The following DLG1 variants were observed in gnomAD, a reference collection of about 807,000 sequenced individuals.
DLG1 encodes discs large MAGUK scaffold protein 1, also known as disks large homolog 1.
A neutral mutation model predicts 123.4 loss-of-function variants in DLG1; 42 were observed. The observed-to-expected ratio is 0.34, with a 90% CI of 0.27 to 0.44. The LOEUF is 0.44. Ranked by LOEUF, DLG1 falls within the 20% of genes least tolerant of loss-of-function variation. The pLI, the probability that DLG1 is intolerant of heterozygous loss-of-function variation, is 1.00. For synonymous variants in DLG1, 317 were observed against 356.2 expected, an observed-to-expected ratio of 0.89 and a Z score of 1.24; for missense variants, 942 against 1,082.6, an observed-to-expected ratio of 0.87 and a Z score of 1.82.
chr3:197,294,479 T>C (rs980681115), intron 3 of DLG1, among the ~76,000 whole-genome samples: 1 of 151,904 alleles, frequency 6.6e-6, no homozygotes, highest in African/African-American at 2.4e-5. Context: ...ACCCCGTCTT[T>C]ACTAAAAATA....
chr3:197,297,967 C>G (rs1778336286), intron 1 of DLG1: 1 of 976,984 alleles, frequency 1.0e-6, no homozygotes, highest in Non-Finnish European at 1.2e-6. Flanking sequence ...GCCGCCGCAC[C>G]CCCGCGGCCT....
intron 4 of DLG1, among the ~76,000 whole-genome samples, chr3:197,238,393 T>C (rs145341560): frequency 1.3e-5 from 2 of 152,060 alleles, no homozygotes; most frequent in African/African-American, 4.8e-5. Flanking sequence ...ATTACAAATA[T>C]ACATGAAACA....
intron 4 of DLG1, among the ~76,000 whole-genome samples, chr3:197,198,195 G>T (rs1723584204): frequency 6.6e-6 from 1 of 152,016 alleles, no homozygotes; most frequent in Non-Finnish European, 1.5e-5. Context: ...AAACCGAAAA[G>T]ATGACCCAAA....
intron 5 of DLG1, among the ~76,000 whole-genome samples, chr3:197,159,907 T>G (rs1452064562): frequency 1.3e-5 from 2 of 152,194 alleles, no homozygotes; most frequent in East Asian, 3.8e-4. Context: ...GTTTGCTGTC[T>G]CAGAGAAATA....
At chr3:197,274,449 A>G (rs1036783414) in intron 4 of DLG1, among the ~76,000 whole-genome samples, 1 of 152,222 alleles carries the variant, frequency 6.6e-6, no homozygotes, top group African/African-American at 2.4e-5. Context: ...CAAAAAACAA[A>G]TCAAAATAGA....
chr3:197,051,884 C>T (rs1728041474), intron 23 of DLG1, among the ~76,000 whole-genome samples: 1 of 142,068 alleles, frequency 7.0e-6, no homozygotes, highest in African/African-American at 2.6e-5. Flanking sequence ...CACTGTCACC[C>T]AGGCTGGAGT....
intron 14 of DLG1, among the ~76,000 whole-genome samples, chr3:197,100,489 A>T (rs1762879684): frequency 1.3e-5 from 2 of 152,200 alleles, no homozygotes; most frequent in South Asian, 4.1e-4. Context: ...AATTTAACTT[A>T]TATATTGAGT....
intron 15 of DLG1, among the ~76,000 whole-genome samples, chr3:197,088,552 G>A (rs556058540): frequency 1.3e-5 from 2 of 152,306 alleles, no homozygotes; most frequent in South Asian, 2.1e-4. Context: ...AGAAGAAAAT[G>A]TGGCATCTAG....
At chr3:197,151,271 T>C (rs1008394351) in intron 5 of DLG1, among the ~76,000 whole-genome samples, 1 of 152,196 alleles carries the variant, frequency 6.6e-6, no homozygotes, top group African/African-American at 2.4e-5. Context: ...TTAAAAACAC[T>C]ATGGCAAGAA....
At chr3:197,230,731 T>C (rs1742490256) in intron 4 of DLG1, among the ~76,000 whole-genome samples, 2 of 152,198 alleles carry the variant, frequency 1.3e-5, no homozygotes, top group African/African-American at 4.8e-5. Flanking sequence ...AAGATAGTAA[T>C]AGCATCTTTA....
chr3:197,141,603 A>T (rs1269598435), intron 7 of DLG1, among the ~76,000 whole-genome samples: 1 of 152,220 alleles, frequency 6.6e-6, no homozygotes, highest in African/African-American at 2.4e-5. Flanking sequence ...TTCAGTCTTG[A>T]GTATACACAC....
intron 4 of DLG1, among the ~76,000 whole-genome samples, chr3:197,256,425 A>G (rs771164681): frequency 5.9e-5 from 9 of 152,260 alleles, no homozygotes; most frequent in Non-Finnish European, 8.8e-5. Context: ...TTTCTACAGT[A>G]CTTCACACAC....
intron 5 of DLG1, among the ~76,000 whole-genome samples, chr3:197,193,654 C>T (rs1334965598): frequency 6.6e-6 from 1 of 151,920 alleles, no homozygotes; most frequent in African/African-American, 2.4e-5. Flanking sequence ...AGTATGAGTC[C>T]ATTTATATAA....
intron 4 of DLG1, among the ~76,000 whole-genome samples, chr3:197,201,129 A>T (rs1577994271): frequency 6.6e-6 from 1 of 152,352 alleles, no homozygotes; most frequent in East Asian, 1.9e-4. Flanking sequence ...CACGCCTCTA[A>T]TCCCAGCACT....
intron 4 of DLG1, among the ~76,000 whole-genome samples, chr3:197,258,523 C>G (rs1757892344): frequency 6.6e-6 from 1 of 151,352 alleles, no homozygotes; most frequent in South Asian, 2.1e-4. Context: ...AATGATGCAA[C>G]GTGCCTACCT....
intron 5 of DLG1, among the ~76,000 whole-genome samples, chr3:197,168,692 A>C (rs1475954384): frequency 2.6e-5 from 4 of 152,150 alleles, no homozygotes; most frequent in Non-Finnish European, 5.9e-5. Context: ...TTAGACAGTG[A>C]CTGTTATGCC....
intron 4 of DLG1, among the ~76,000 whole-genome samples, chr3:197,212,199 A>C (rs1731590099): frequency 6.9e-6 from 1 of 145,936 alleles, no homozygotes; most frequent in Non-Finnish European, 1.5e-5. Context: ...CTTCACGTGT[A>C]CCCCTGAACC....
intron 5 of DLG1, among the ~76,000 whole-genome samples, chr3:197,158,413 G>A (rs1440207365): frequency 1.1e-4 from 17 of 149,516 alleles, no homozygotes; most frequent in South Asian, 2.1e-4. Flanking sequence ...ACCTGAAGTC[G>A]GGAGTTTGAG....
chr3:197,148,255 A>AAAAAAAAAAAAG (rs1561041758), intron 6 of DLG1, among the ~76,000 whole-genome samples: 1 of 143,760 alleles, frequency 7.0e-6, no homozygotes, highest in African/African-American at 2.6e-5. Flanking sequence ...CAAAAAAAAA[A>AAAAAAAAAAAAG]AAAAAATAGC....
Sources: allele counts gnomAD v4.1 joint callset (sites outside exome capture counted in the v4.1 genomes callset), GRCh38; gene constraint gnomAD v4.1.1; transcripts MANE v1.5; gene names NCBI Gene and HGNC (gene_info 2026-07-23, HGNC 2026-07-21).